The following CACNG2 variants were observed in gnomAD, a reference collection of about 807,000 sequenced individuals.
The protein encoded by CACNG2 is calcium voltage-gated channel auxiliary subunit gamma 2.
In CACNG2, 3 loss-of-function variants were observed where a neutral mutation model predicts 25.9. The ratio of observed to expected loss-of-function variants is 0.12; its 90% CI spans 0.05 to 0.30. The LOEUF (loss-of-function observed/expected upper bound fraction) is 0.30. Among genes scored for constraint, CACNG2 ranks in the 10% least tolerant of loss-of-function variants. The pLI, the probability that CACNG2 is intolerant of heterozygous loss-of-function variation, is 1.00. For synonymous variants in CACNG2, 167 were observed against 173.3 expected, an observed-to-expected ratio of 0.96 and a Z score of 0.29; for missense variants, 341 against 432.5, an observed-to-expected ratio of 0.79 and a Z score of 1.88.
chr22:36,564,725 T>A lies in CACNG2; in HGVS notation c.598A>T (p.Met200Leu), dbSNP rs989827080. The A allele has an allele frequency of 1.2e-6, 2 of 1,614,050 alleles. No homozygotes were observed. Among genetic ancestry groups the A allele is most frequent in the South Asian group, 2.2e-5 (2 of 91,072 alleles). ...AGCTGTTTGTGCCGGTCGATAAACA[T>A]GTGCACCGCCAGCACCCCGACCATC... ...AEMVGVLAVHMFIDRHKQLRA... is the reference protein window; with the variant it reads ...AEMVGVLAVHLFIDRHKQLRA... The change falls in exon 4 of 4, where the codon ATG (methionine) becomes TTG (leucine). Residue 200 changes from methionine to leucine, a missense_variant. By Grantham distance (15) the Met-to-Leu change is conservative. Around this residue, in one of 2 missense-constraint regions of CACNG2, gnomAD observed 172 missense variants for 178.1 expected, o/e 0.97. Coordinates refer to ENST00000300105, the MANE Select transcript of CACNG2 (RefSeq NM_006078.5). This position sits in a 1 kb window ranked among gnomAD's most constrained non-coding sequence, Gnocchi z 6.7.
intron 2 of CACNG2, among the ~76,000 whole-genome samples, chr22:36,578,575 G>A (rs1429555484): frequency 6.6e-6 from 1 of 152,094 alleles, no homozygotes; most frequent in African/African-American, 2.4e-5. Flanking sequence ...TAACAACCTC[G>A]GGTTTTGACA....
intron 1 of CACNG2, among the ~76,000 whole-genome samples, chr22:36,665,958 A>G (rs972093831): frequency 1.1e-4 from 16 of 152,256 alleles, no homozygotes; most frequent in Non-Finnish European, 1.9e-4. Context: ...CTAAAACCCA[A>G]TAGCAACCCG....
At chr22:36,605,928 A>T (rs1935824443) in intron 1 of CACNG2, among the ~76,000 whole-genome samples, 3 of 152,224 alleles carry the variant, frequency 2.0e-5, no homozygotes, top group Admixed American at 6.5e-5. Flanking sequence ...TCCCTGGAGT[A>T]GGCGGATAAT....
intron 1 of CACNG2, among the ~76,000 whole-genome samples, chr22:36,680,659 C>CACCATCACCACCACT (rs1937104224): frequency 7.0e-6 from 1 of 142,140 alleles, no homozygotes; most frequent in Non-Finnish European, 1.5e-5. Flanking sequence ...TCACCACCAT[C>CACCATCACCACCACT]ACCACCATCT....
At chr22:36,565,897 A>T (rs190830021) in intron 3 of CACNG2, among the ~76,000 whole-genome samples, 1 of 152,268 alleles carries the variant, frequency 6.6e-6, no homozygotes, top group East Asian at 1.9e-4. Flanking sequence ...AGACATCTGG[A>T]TGTGGGTGCC....
intron 1 of CACNG2, among the ~76,000 whole-genome samples, chr22:36,669,508 C>CAAAAAA (rs1157379465): frequency 3.2e-5 from 2 of 61,638 alleles, no homozygotes; most frequent in Admixed American, 2.3e-4. Flanking sequence ...ACTCTATCTC[C>CAAAAAA]AAAAAAAAAA....
chr22:36,678,691 C>A (rs2145999158), intron 1 of CACNG2, among the ~76,000 whole-genome samples: 1 of 151,542 alleles, frequency 6.6e-6, no homozygotes, highest in African/African-American at 2.4e-5. Flanking sequence ...TCACTCACAC[C>A]TGTTCCCCCT....
intron 1 of CACNG2, among the ~76,000 whole-genome samples, chr22:36,623,654 T>C (rs1307443102): frequency 1.3e-5 from 2 of 152,008 alleles, no homozygotes; most frequent in African/African-American, 4.8e-5. Context: ...AGAGTGAGGG[T>C]TGAGCCACTG....
intron 2 of CACNG2, among the ~76,000 whole-genome samples, chr22:36,573,527 T>C (rs1450775183): frequency 6.6e-6 from 1 of 152,190 alleles, no homozygotes; most frequent in African/African-American, 2.4e-5. Context: ...AGACGGGGTT[T>C]CACCATGTTG....
chr22:36,578,357 C>CA (rs3076266), intron 2 of CACNG2, among the ~76,000 whole-genome samples: 40,066 of 129,978 alleles, frequency 0.31, 7,077 homozygotes, highest in African/African-American at 0.45. Flanking sequence ...GACTCAATCT[C>CA]AAAAAAAAAA....
intron 1 of CACNG2, among the ~76,000 whole-genome samples, chr22:36,646,980 T>C (rs929229640): frequency 1.3e-5 from 2 of 152,120 alleles, no homozygotes; most frequent in East Asian, 3.9e-4. Context: ...ATTCAAATCA[T>C]ACAGTCACTG....
chr22:36,571,026 G>A (rs1005899076), intron 2 of CACNG2, among the ~76,000 whole-genome samples: 1 of 152,152 alleles, frequency 6.6e-6, no homozygotes, highest in African/African-American at 2.4e-5. Context: ...TTGGGCAAGG[G>A]TCATTACTGC....
At chr22:36,610,532 C>T (rs1935924081) in intron 1 of CACNG2, among the ~76,000 whole-genome samples, 1 of 152,196 alleles carries the variant, frequency 6.6e-6, no homozygotes, top group African/African-American at 2.4e-5. Flanking sequence ...ACTTTGGAAG[C>T]CTTCTCTGTG....
chr22:36,582,656 A>C (rs895399017), intron 2 of CACNG2, among the ~76,000 whole-genome samples: 65 of 150,370 alleles, frequency 4.3e-4, no homozygotes, highest in East Asian at 9.8e-4. Context: ...TGATCTGCCC[A>C]CCTTGGCCTC....
At chr22:36,580,859 C>T (rs901984302) in intron 2 of CACNG2, among the ~76,000 whole-genome samples, 1 of 152,144 alleles carries the variant, frequency 6.6e-6, no homozygotes, top group Non-Finnish European at 1.5e-5. Context: ...CACATACACA[C>T]ACACAACACA....
chr22:36,679,242 C>A (rs1301995544), intron 1 of CACNG2, among the ~76,000 whole-genome samples: 1 of 135,612 alleles, frequency 7.4e-6, no homozygotes, highest in Non-Finnish European at 1.6e-5. Context: ...TTCTTTCTTT[C>A]TTTCTTTTCT....
In CACNG2 at chr22:36,620,551, A is replaced by G. The variant is rs957141371; in HGVS notation, c.212-33003T>C. Among the ~76,000 whole-genome samples the G allele has an allele frequency of 2.0e-5, 3 of 152,360 alleles. No individual in the cohort carries two copies. The East Asian group carries it at 5.8e-4, about 29-fold the overall frequency. On this transcript the variant is annotated intron_variant, in intron 1 of 3. Coordinates refer to ENST00000300105, the MANE Select transcript of CACNG2 (RefSeq NM_006078.5). Reference sequence around the variant, plus strand: ...TATGGTGGAGTGTTTAAGAACACAGACTTATGAGTAAGACTCCCCAGATTT... The same window carrying G: ...TATGGTGGAGTGTTTAAGAACACAGGCTTATGAGTAAGACTCCCCAGATTT...
chr22:36,681,030 T>A (rs1569050915), intron 1 of CACNG2, among the ~76,000 whole-genome samples: 1 of 152,226 alleles, frequency 6.6e-6, no homozygotes, highest in Non-Finnish European at 1.5e-5. Flanking sequence ...AACAGAAAAA[T>A]TATTCTTTTT....
At chr22:36,686,009 C>T (rs946873570) in intron 1 of CACNG2, among the ~76,000 whole-genome samples, 1 of 152,204 alleles carries the variant, frequency 6.6e-6, no homozygotes, top group African/African-American at 2.4e-5. Context: ...CCATCCATGT[C>T]TCAAGGGCTT....
Sources: allele counts gnomAD v4.1 joint callset (sites outside exome capture counted in the v4.1 genomes callset), GRCh38; gene constraint gnomAD v4.1.1; regional missense constraint gnomAD v4.1.1; non-coding constraint Gnocchi (gnomAD v3.1); transcripts MANE v1.5; gene names NCBI Gene and HGNC (gene_info 2026-07-23, HGNC 2026-07-21).